The following DCC variants were observed in gnomAD, a reference collection of about 807,000 sequenced individuals.
The protein encoded by DCC is DCC netrin 1 receptor.
Under a neutral mutation model 172.5 loss-of-function variants are expected in DCC, and 58 were observed. The observed-to-expected ratio is 0.34, with a 90% confidence interval of 0.27 to 0.42. DCC has a LOEUF of 0.42. DCC is among the 10% of genes least tolerant of loss of function. The pLI is 1.00. For missense variants in DCC, 1,740 were observed against 1,791.0 expected (o/e 0.97, Z 0.51); for synonymous variants, 709 against 644.5 (o/e 1.10, Z -1.52).
At chr18:52,551,003 G>C (rs878871616) in intron 1 of DCC, among the ~76,000 whole-genome samples, 1 of 152,022 alleles carries the variant, frequency 6.6e-6, no homozygotes, top group Admixed American at 6.6e-5. Context: ...ATGTGCAGAT[G>C]TTAGGGACAA....
chr18:53,145,153 T>C (rs916366755), intron 7 of DCC, among the ~76,000 whole-genome samples: 16 of 145,444 alleles, frequency 1.1e-4, no homozygotes, highest in East Asian at 8.4e-4. Flanking sequence ...CTTGCTCTGT[T>C]GCCCAGGCTG....
chr18:52,975,024 A>G (rs1022325541), intron 5 of DCC, among the ~76,000 whole-genome samples: 1 of 152,214 alleles, frequency 6.6e-6, no homozygotes, highest in Non-Finnish European at 1.5e-5. Flanking sequence ...TTAGAAACAG[A>G]GGACGGACCT....
chr18:53,354,974 G>A (rs2057860661), intron 15 of DCC, among the ~76,000 whole-genome samples: 1 of 152,026 alleles, frequency 6.6e-6, no homozygotes, highest in African/African-American at 2.4e-5. Context: ...AAGGGATCCG[G>A]TTTCAGCTTT....
At chr18:52,590,954 C>T (rs1484087137) in intron 1 of DCC, among the ~76,000 whole-genome samples, 1 of 152,176 alleles carries the variant, frequency 6.6e-6, no homozygotes. Flanking sequence ...TCTTCACATA[C>T]ATTTTTCCTT....
intron 1 of DCC, among the ~76,000 whole-genome samples, chr18:52,555,796 C>G (rs574571535): frequency 1.2e-4 from 18 of 152,198 alleles, no homozygotes; most frequent in African/African-American, 4.3e-4. Flanking sequence ...TGGAAAAGAA[C>G]AAGTCATTAC....
intron 12 of DCC, among the ~76,000 whole-genome samples, chr18:53,245,103 CTA>C (rs2056350133): frequency 6.6e-6 from 1 of 152,056 alleles, no homozygotes; most frequent in South Asian, 2.1e-4. Context: ...TACCATCTTA[CTA>C]TAGTCCATGC....
chr18:53,029,561 A>G (rs62097947), intron 5 of DCC, among the ~76,000 whole-genome samples: 20 of 151,922 alleles, frequency 1.3e-4, no homozygotes, highest in Admixed American at 5.9e-4. Context: ...ATCTACTTCT[A>G]TATTCCAGTT....
At chr18:52,733,760 T>C (rs944783687) in intron 1 of DCC, among the ~76,000 whole-genome samples, 4 of 152,136 alleles carry the variant, frequency 2.6e-5, no homozygotes, top group Non-Finnish European at 5.9e-5. Context: ...CCTCCCAAAG[T>C]GCTGGGATTA....
At chr18:52,660,423 C>A (rs1016627077) in intron 1 of DCC, among the ~76,000 whole-genome samples, 1 of 152,046 alleles carries the variant, frequency 6.6e-6, no homozygotes, top group Admixed American at 6.6e-5. Context: ...AGCAGAAACA[C>A]CTTTTAATTG....
chr18:53,018,532 A>G (rs1352507494), intron 5 of DCC, among the ~76,000 whole-genome samples: 3 of 152,148 alleles, frequency 2.0e-5, no homozygotes, highest in Admixed American at 6.5e-5. Context: ...TGATACTTCA[A>G]TTTAAATATC....
At chr18:52,992,804 C>T (rs1445909826) in intron 5 of DCC, among the ~76,000 whole-genome samples, 1 of 151,986 alleles carries the variant, frequency 6.6e-6, no homozygotes, top group Non-Finnish European at 1.5e-5. Context: ...GGCGAAATCA[C>T]ATCTCTACCA....
intron 5 of DCC, among the ~76,000 whole-genome samples, chr18:52,956,523 A>G (rs2040747197): frequency 1.3e-5 from 2 of 152,084 alleles, no homozygotes; most frequent in Admixed American, 6.6e-5. Flanking sequence ...TTGAAATTGA[A>G]CAGTGTCAGT....
chr18:52,574,310 A>T (rs2033363241), intron 1 of DCC, among the ~76,000 whole-genome samples: 1 of 152,174 alleles, frequency 6.6e-6, no homozygotes, highest in Non-Finnish European at 1.5e-5. Context: ...ATGAATGTGG[A>T]TGTGTATAAA....
chr18:52,398,150 A>G (rs1986302186), intron 1 of DCC, among the ~76,000 whole-genome samples: 1 of 152,024 alleles, frequency 6.6e-6, no homozygotes, highest in African/African-American at 2.4e-5. Context: ...ATAGAATAGG[A>G]TAGAGCTAAT....
At chr18:52,824,659 G>A (rs539572705) in intron 2 of DCC, among the ~76,000 whole-genome samples, 1 of 152,230 alleles carries the variant, frequency 6.6e-6, no homozygotes, top group South Asian at 2.1e-4. Flanking sequence ...ATCTCAGCAA[G>A]AGCAGTGGAA....
intron 27 of DCC, among the ~76,000 whole-genome samples, chr18:53,511,846 G>A (rs950802637): frequency 3.3e-5 from 5 of 151,850 alleles, no homozygotes; most frequent in Admixed American, 6.6e-5. Flanking sequence ...AGCACAGCAC[G>A]GCAGTCTGAG....
rs773588703 is a variant in DCC, at chr18:53,207,773, C to G, written c.1817C>G (p.Pro606Arg). ...TTCTTAGCTTATAATCGCTATGGTC[C>G]GGGCGTCTCTACTGATGATATAACA... is the stretch of plus-strand genomic sequence containing the variant. ...LRFLAYNRYGPGVSTDDITVV... is the reference protein window; with the variant it reads ...LRFLAYNRYGRGVSTDDITVV... Residue 606 changes from proline (P) to arginine (R), a missense_variant, in exon 11 of 29, where the codon CCG becomes CGG. Coordinates refer to ENST00000442544, the MANE Select transcript of DCC (RefSeq NM_005215.4). The G allele has an allele frequency of 1.9e-6, 3 of 1,613,196 alleles. No individual in the cohort carries two copies. Among genetic ancestry groups the G allele is most frequent in the Non-Finnish European group, 2.5e-6 (3 of 1,179,252 alleles).
intron 9 of DCC, among the ~76,000 whole-genome samples, chr18:53,187,907 C>T (rs1448138104): frequency 2.6e-5 from 4 of 152,148 alleles, no homozygotes; most frequent in Non-Finnish European, 5.9e-5. Flanking sequence ...GCAATTACTG[C>T]TTCTAATTGT....
chr18:52,656,104 A>G (rs1568277814), intron 1 of DCC, among the ~76,000 whole-genome samples: 1 of 146,814 alleles, frequency 6.8e-6, no homozygotes, highest in Non-Finnish European at 1.5e-5. Context: ...ATATATATAT[A>G]CATATATATA....
Sources: gnomAD v4.1 joint callset for allele counts (sites outside exome capture counted in the v4.1 genomes callset) on GRCh38, gnomAD v4.1.1 for gene constraint, MANE v1.5 for transcripts, NCBI Gene and HGNC (gene_info 2026-07-23, HGNC 2026-07-21) for gene names.